EED: variants seen among roughly 807,000 people sequenced by gnomAD.
EED encodes polycomb protein EED.
In EED, 9 loss-of-function variants were observed where a neutral mutation model predicts 61.0. The observed-to-expected ratio is 0.15, with a 90% CI of 0.09 to 0.26. EED has a LOEUF of 0.26. EED is among the 10% of genes least tolerant of loss of function. The probability of loss-of-function intolerance (pLI) is 1.00; values close to 1 mark genes in which losing one functional copy is unlikely to be tolerated. For synonymous variants in EED, 187 were observed against 174.4 expected, an observed-to-expected ratio of 1.07 and a Z score of -0.57; for missense variants, 315 against 542.3, an observed-to-expected ratio of 0.58 and a Z score of 4.16.
chr11:86,281,743 C>G (rs903436857), downstream of EED, among the ~76,000 whole-genome samples: 3 of 152,184 alleles, frequency 2.0e-5, no homozygotes, highest in African/African-American at 7.2e-5. Context: ...CACCCTCGAA[C>G]TCCTGGGTCC....
chr11:86,245,545 G>C (rs1280694094), intron 1 of EED, among the ~76,000 whole-genome samples: 1 of 151,758 alleles, frequency 6.6e-6, no homozygotes, highest in Non-Finnish European at 1.5e-5. Flanking sequence ...AGGCAAAGGA[G>C]AGTGGTTCTA....
chr11:86,280,394 A>G (rs1281187394), downstream of EED, among the ~76,000 whole-genome samples: 1 of 152,132 alleles, frequency 6.6e-6, no homozygotes, highest in Non-Finnish European at 1.5e-5. Context: ...TTTATACTCT[A>G]TTTTTGCCCT....
downstream of EED, among the ~76,000 whole-genome samples, chr11:86,281,933 T>C (rs1946328784): frequency 1.3e-5 from 2 of 152,272 alleles, 1 homozygote. Context: ...ATATGTTGAG[T>C]ATTATGTTTC....
intron 10 of EED, chr11:86,277,398 G>A (rs1447570714): frequency 3.5e-6 from 1 of 287,262 alleles, no homozygotes; most frequent in Non-Finnish European, 6.5e-6. Context: ...AGGTGTTTAT[G>A]TTCCATAACA....
chr11:86,281,524 T>A (rs1361887903), downstream of EED, among the ~76,000 whole-genome samples: 1 of 152,222 alleles, frequency 6.6e-6, no homozygotes, highest in East Asian at 1.9e-4. Flanking sequence ...TTTAGGTTGT[T>A]GGTTTGCGAT....
chr11:86,256,822 C>T (rs893929783), intron 5 of EED, among the ~76,000 whole-genome samples: 6 of 152,166 alleles, frequency 3.9e-5, no homozygotes, highest in African/African-American at 1.2e-4. Context: ...TTTTCCAAGA[C>T]ACCTAAACTG....
chr11:86,268,594 C>CATGT, intron 9 of EED, 33 bp downstream of exon 9: 1 of 819,598 alleles, frequency 1.2e-6, no homozygotes, highest in Non-Finnish European at 1.9e-6. Context: ...GTACTTCCAT[C>CATGT]GTGTGTGTGT....
In EED at chr11:86,278,132, T is replaced by C. The variant is rs189345064; in HGVS notation, c.1199+141T>C. On this transcript the variant is annotated intron_variant, in intron 11 of 11. Transcript: ENST00000263360. ...ACTGTTTTCAGAGTTAAAGTTATTC[T>C]TTTTTATTCCAATAATTTTTGTTTT... 4.4e-6 allele frequency: 6 copies of C among 1,356,000 alleles called. No homozygotes were observed. The African/African-American group carries it at 6.0e-5, about 14-fold the overall frequency. The allele number at this position is 1,356,000 out of a possible 1,614,324, so 84.0% of individuals were successfully genotyped here. A position where few individuals can be genotyped will look rare whatever the true frequency, so the allele number is the denominator to read the frequency against.
intron 1 of EED, 55 bp downstream of exon 1, chr11:86,245,398 T>C: frequency 7.3e-7 from 1 of 1,377,040 alleles, no homozygotes; most frequent in Non-Finnish European, 9.9e-7. Flanking sequence ...TTAAATTCTT[T>C]TAAAACGGGG....
At chr11:86,258,527 T>C (rs1236681557) in intron 6 of EED, among the ~76,000 whole-genome samples, 6 of 151,138 alleles carry the variant, frequency 4.0e-5, no homozygotes, top group African/African-American at 9.7e-5. Context: ...ATATTACAAC[T>C]TTTTTTTTCT....
At chr11:86,279,227 T>C (rs1249518628), downstream of EED, among the ~76,000 whole-genome samples, 2 of 152,208 alleles carry the variant, frequency 1.3e-5, no homozygotes, top group Admixed American at 6.5e-5. Flanking sequence ...TAAAAAATAT[T>C]ACTGCCATTA....
rs756344954 is a variant in EED at position 86,255,539 on chromosome 11, A to G, written c.426+252A>G. Among the ~76,000 whole-genome samples, 19 of 152,168 alleles carry G rather than the reference A, an allele frequency of 1.2e-4. No individual in the cohort carries two copies. The highest frequency in any genetic ancestry group is 2.4e-4 in the Non-Finnish European group (16 of 68,024). On this transcript the variant is annotated intron_variant, in intron 4 of 11. Transcript: ENST00000263360. Reference sequence around the variant, plus strand: ...TGGGATGGATGTGCTGGTTGGGTGCAGATGTCTATAGAGATAGGAGCATTA... The same window carrying G: ...TGGGATGGATGTGCTGGTTGGGTGCGGATGTCTATAGAGATAGGAGCATTA...
At chr11:86,271,772 A>G (rs2138217169) in intron 9 of EED, among the ~76,000 whole-genome samples, 1 of 152,116 alleles carries the variant, frequency 6.6e-6, no homozygotes, top group East Asian at 1.9e-4. Context: ...GCCTATTAAT[A>G]TAGTAGATTA....
chr11:86,280,098 A>AT (rs1371319966), downstream of EED, among the ~76,000 whole-genome samples: 4 of 151,888 alleles, frequency 2.6e-5, no homozygotes, highest in Non-Finnish European at 5.9e-5. Flanking sequence ...TTGTTTTTTA[A>AT]TTTTTTTGGA....
chr11:86,271,398 C>T (rs558920137), intron 9 of EED, among the ~76,000 whole-genome samples: 1 of 152,300 alleles, frequency 6.6e-6, no homozygotes, highest in African/African-American at 2.4e-5. Context: ...AGCTAGACTA[C>T]ATATTCAAGG....
downstream of EED, among the ~76,000 whole-genome samples, chr11:86,283,588 CAGTA>C (rs1425804007): frequency 6.6e-6 from 1 of 152,128 alleles, no homozygotes; most frequent in Non-Finnish European, 1.5e-5. Context: ...AATAAGCTAA[CAGTA>C]AGAGGCTATG....
At chr11:86,283,139 CA>C (rs1946341883), downstream of EED, among the ~76,000 whole-genome samples, 1 of 151,936 alleles carries the variant, frequency 6.6e-6, no homozygotes, top group Admixed American at 6.6e-5. Flanking sequence ...GTTATTAAAG[CA>C]AAACAAACAA....
At chr11:86,260,268 A>T (rs867103275) in intron 6 of EED, among the ~76,000 whole-genome samples, 1 of 152,100 alleles carries the variant, frequency 6.6e-6, no homozygotes, top group African/African-American at 2.4e-5. Flanking sequence ...CACTCTGTCA[A>T]CCAGGCTATA....
chr11:86,266,597 A>T (rs1463040296), intron 8 of EED, among the ~76,000 whole-genome samples: 5 of 152,126 alleles, frequency 3.3e-5, no homozygotes, highest in Admixed American at 2.6e-4. Context: ...AAATGATGCT[A>T]ATTCTAATTC....
Sources: allele counts gnomAD v4.1 joint callset (sites outside exome capture counted in the v4.1 genomes callset), GRCh38; gene constraint gnomAD v4.1.1; transcripts MANE v1.5; gene names NCBI Gene and HGNC (gene_info 2026-07-23, HGNC 2026-07-21).